MYBL2: variants seen among roughly 807,000 people sequenced by gnomAD.
The protein encoded by MYBL2 is MYB proto-oncogene like 2.
A neutral mutation model predicts 79.9 loss-of-function variants in MYBL2; 28 were observed. The ratio of observed to expected loss-of-function variants is 0.35; its 90% CI spans 0.26 to 0.48. The LOEUF (loss-of-function observed/expected upper bound fraction) is 0.48, where lower values mean the gene tolerates loss of function less well. MYBL2 is among the 20% of genes least tolerant of loss of function. The probability of loss-of-function intolerance (pLI) is 0.99; values close to 1 mark genes in which losing one functional copy is unlikely to be tolerated. For synonymous variants in MYBL2, 378 were observed against 361.2 expected, an observed-to-expected ratio of 1.05 and a Z score of -0.53; for missense variants, 735 against 893.9, an observed-to-expected ratio of 0.82 and a Z score of 2.27.
intron 13 of MYBL2, 108 bp downstream of exon 13, chr20:43,715,391 G>T (rs1222143037): frequency 1.7e-5 from 27 of 1,543,068 alleles, no homozygotes; most frequent in Non-Finnish European, 2.4e-5. Flanking sequence ...TCTTAGCTCA[G>T]GGCCTTTGCA....
chr20:43,698,894 G>A (rs1448755096), intron 6 of MYBL2, among the ~76,000 whole-genome samples: 4 of 138,434 alleles, frequency 2.9e-5, no homozygotes, highest in African/African-American at 1.1e-4. Context: ...CTGGAGTGCA[G>A]TGGTGTGATC....
intron 7 of MYBL2, among the ~76,000 whole-genome samples, chr20:43,700,966 T>C (rs951065128): frequency 1.3e-5 from 2 of 152,176 alleles, no homozygotes; most frequent in Non-Finnish European, 1.5e-5. Flanking sequence ...GTACCTAACA[T>C]TGGAGTGCTT....
intron 6 of MYBL2, among the ~76,000 whole-genome samples, chr20:43,695,300 C>T (rs1987509854): frequency 6.6e-6 from 1 of 152,132 alleles, no homozygotes; most frequent in South Asian, 2.1e-4. Flanking sequence ...CTCAGCCTCT[C>T]AAAGTGCTAG....
chr20:43,698,061 CT>C (rs11475916), intron 6 of MYBL2, among the ~76,000 whole-genome samples: 69,660 of 112,112 alleles, frequency 0.62, 19,613 homozygotes, highest in Non-Finnish European at 0.65. Flanking sequence ...GCTTGGTTGT[CT>C]TTTTTTTTTT....
chr20:43,674,336 A>C lies in MYBL2; in HGVS notation c.114+437A>C, dbSNP rs145101057. The stretch of plus-strand genomic sequence containing the variant: ...ACTGCAACCTCTGCCTCCTGGGTTC[A>C]AGCGATTCTCCTGCCTCAGGTGCGA... On this transcript the variant is annotated intron_variant, in intron 2 of 13. Transcript: ENST00000217026. Among the ~76,000 whole-genome samples the C allele has an allele frequency of 9.3e-3, 1,343 of 144,358 alleles. 8 individuals are homozygous for C. Among genetic ancestry groups the C allele is most frequent in the Non-Finnish European group, 0.014 (940 of 66,950 alleles). The allele number at this position is 144,358 out of a possible 152,430, so 94.7% of individuals were successfully genotyped here.
intron 6 of MYBL2, among the ~76,000 whole-genome samples, chr20:43,695,669 T>C (rs1480002947): frequency 7.5e-6 from 1 of 133,220 alleles, no homozygotes; most frequent in Admixed American, 8.0e-5. Flanking sequence ...CTGGGCAACA[T>C]AGGGAGACTG....
intron 9 of MYBL2, among the ~76,000 whole-genome samples, chr20:43,708,388 C>G (rs182833510): frequency 6.6e-6 from 1 of 152,166 alleles, no homozygotes; most frequent in Admixed American, 6.5e-5. Flanking sequence ...GGGTGAGCCA[C>G]AAGGCCCGGC....
chr20:43,672,138 G>C (rs1986876180), intron 1 of MYBL2, among the ~76,000 whole-genome samples: 1 of 67,480 alleles, frequency 1.5e-5, no homozygotes, highest in East Asian at 4.4e-4. Context: ...CTGAACCTGG[G>C]GGGCAGAGGT....
At chr20:43,712,515 C>G (rs906156269) in intron 11 of MYBL2, among the ~76,000 whole-genome samples, 4 of 152,076 alleles carry the variant, frequency 2.6e-5, no homozygotes, top group Non-Finnish European at 5.9e-5. Flanking sequence ...TCCCTGGTAT[C>G]GGAGCAGGCC....
chr20:43,677,448 G>T (rs1987038216), intron 2 of MYBL2, among the ~76,000 whole-genome samples: 1 of 152,232 alleles, frequency 6.6e-6, no homozygotes, highest in South Asian at 2.1e-4. Context: ...TTGAGCTAAG[G>T]ATGAGGATTT....
At chr20:43,702,942 C>T (rs113639690) in intron 8 of MYBL2, 39 bp downstream of exon 8, 23 of 1,550,426 alleles carry the variant, frequency 1.5e-5, no homozygotes, top group African/African-American at 1.4e-4. Context: ...TGGGTCGGTA[C>T]AGACACCTAG....
chr20:43,667,212 T>A lies in MYBL2; in HGVS notation c.-72T>A. Reference sequence around the variant, plus strand: ...GGAGCGGCCGGAGCAGCCCGGGTCCTGACCCCGGCCCGGCTCCCGCTCCGG... The same window carrying A: ...GGAGCGGCCGGAGCAGCCCGGGTCCAGACCCCGGCCCGGCTCCCGCTCCGG... On this transcript the variant is annotated 5_prime_UTR_variant, in exon 1 of 14. Transcript: ENST00000217026. The A allele has an allele frequency of 8.8e-7, 1 of 1,133,670 alleles. No homozygotes were observed. The highest frequency in any genetic ancestry group is 1.1e-6 in the Non-Finnish European group (1 of 914,314). The allele number at this position is 1,133,670 out of a possible 1,614,324, so 70.2% of individuals were successfully genotyped here.
rs1259304625 is a variant in MYBL2, at chr20:43,705,713, T to TATTTA, written c.1505+359_1505+360insAATTT. 4.0e-5 allele frequency among the ~76,000 whole-genome samples: 6 copies of TATTTA among 150,622 alleles called. No homozygotes were observed. The East Asian group carries it at 1.2e-3, about 29-fold the overall frequency. On this transcript the variant is annotated intron_variant, in intron 9 of 13. Coordinates refer to ENST00000217026, the MANE Select transcript of MYBL2 (RefSeq NM_002466.4). Reference sequence around the variant, plus strand: ...TTATTTATTTATTTATTTATTTATTTATTTTGAGATGGAGTCTTGCTCTGT... The same window carrying TATTTA: ...TTATTTATTTATTTATTTATTTATTTATTTAATTTTGAGATGGAGTCTTGCTCTGT...
chr20:43,667,332 C>A, intron 1 of MYBL2, 29 bp downstream of exon 1: 1 of 1,228,096 alleles, frequency 8.1e-7, no homozygotes, highest in Non-Finnish European at 1.0e-6. Flanking sequence ...GCTTGGGCCC[C>A]TCCCCCTCCC....
chr20:43,692,076 G>T, intron 5 of MYBL2, 81 bp from the exon 6 acceptor site: 1 of 1,375,330 alleles, frequency 7.3e-7, no homozygotes, highest in South Asian at 1.3e-5. Context: ...GCAGGAACTT[G>T]GCTTAGGGAG....
intron 9 of MYBL2, among the ~76,000 whole-genome samples, chr20:43,708,550 A>T (rs1987839090): frequency 6.6e-6 from 1 of 151,970 alleles, no homozygotes; most frequent in Non-Finnish European, 1.5e-5. Context: ...CTCCTACCAT[A>T]GCCTCTGGAG....
At chr20:43,678,266 C>G (rs1050489905) in intron 2 of MYBL2, among the ~76,000 whole-genome samples, 1 of 150,770 alleles carries the variant, frequency 6.6e-6, no homozygotes, top group Non-Finnish European at 1.5e-5. Context: ...CCTGCCAAAT[C>G]CCCCTCTGCG....
At chr20:43,676,475 C>T (rs774471751) in intron 2 of MYBL2, among the ~76,000 whole-genome samples, 11 of 152,294 alleles carry the variant, frequency 7.2e-5, no homozygotes, top group South Asian at 2.1e-4. Context: ...CTGGCTTTTG[C>T]TCAGCATTGT....
rs1157440096 is a variant in MYBL2, at chr20:43,705,350, A to T, written c.1497A>T (p.Lys499Asn). ...GGGACAAGACACCCCTGCACCAGAA[A>T]CATGCTGCGTGAGTGCTGCAGTGCC... Reference protein sequence around the residue: ...LHRDKTPLHQKHAAFVTPDQK... With the variant: ...LHRDKTPLHQNHAAFVTPDQK... Residue 499 changes from lysine (K) to asparagine (N), a missense_variant, in exon 9 of 14, where the codon AAA (lysine) becomes AAT (asparagine). This residue lies in a region of MYBL2 where 243 missense variants were observed against 327.2 expected (regional missense o/e 0.74). Transcript: ENST00000217026. 11 of 1,611,432 alleles carry T rather than the reference A, an allele frequency of 6.8e-6. No homozygotes were observed. Among genetic ancestry groups the T allele is most frequent in the Non-Finnish European group, 8.5e-6 (10 of 1,178,860 alleles).
Sources: allele counts gnomAD v4.1 joint callset (sites outside exome capture counted in the v4.1 genomes callset), GRCh38; gene constraint gnomAD v4.1.1; regional missense constraint gnomAD v4.1.1; transcripts MANE v1.5; gene names NCBI Gene and HGNC (gene_info 2026-07-23, HGNC 2026-07-21).